Variants in PCDHGA3 observed in about 807,000 individuals in gnomAD.
The protein encoded by PCDHGA3 is protocadherin gamma subfamily A, 3.
A neutral mutation model predicts 58.5 loss-of-function variants in PCDHGA3; 40 were observed. The observed-to-expected ratio is 0.68, with a 90% CI of 0.53 to 0.89. PCDHGA3 has a LOEUF of 0.89. Among genes scored for constraint, PCDHGA3 ranks in the 40% least tolerant of loss-of-function variants. The pLI, the probability that PCDHGA3 is intolerant of heterozygous loss-of-function variation, is 0.00. For synonymous variants in PCDHGA3, 530 were observed against 525.7 expected (o/e 1.01, Z -0.11); for missense variants, 1,223 against 1,195.9 (o/e 1.02, Z -0.33).
At chr5:141,372,341 A>G (rs1382612317) in intron 1 of PCDHGA3, 1 of 1,613,800 alleles carries the variant, frequency 6.2e-7, no homozygotes, top group Non-Finnish European at 8.5e-7. Context: ...TGCGTGATGG[A>G]GGACAGCAGC....
rs200790843 is a variant in PCDHGA3 at position 141,432,196 on chromosome 5, C to A, written c.2425-62611C>A. ...TCGTCTCTGTGACCGCCCACGACCCCGACTGTGAAGAGAACGCCCAGATCA... is the reference window on the plus strand; with the variant it reads ...TCGTCTCTGTGACCGCCCACGACCCAGACTGTGAAGAGAACGCCCAGATCA... On this transcript the variant is annotated intron_variant, in intron 1 of 3. Coordinates refer to ENST00000253812, the MANE Select transcript of PCDHGA3 (RefSeq NM_018916.4). This position sits in a 1 kb window ranked among gnomAD's most constrained non-coding sequence, Gnocchi z 6.0. The A allele has an allele frequency of 6.2e-7, 1 of 1,614,192 alleles. No homozygotes were observed.
chr5:141,421,424 G>T lies in PCDHGA3; in HGVS notation c.2425-73383G>T, dbSNP rs369037131. 2.2e-5 allele frequency: 35 copies of T among 1,613,974 alleles called. No individual in the cohort carries two copies. The African/African-American group carries it at 3.9e-4, about 18-fold the overall frequency. ...CGGGAGCTGGCGAAGCGCGGAGTCC[G>T]CATCGTCTCCAGAGGGAAGACACAG... is the stretch of plus-strand genomic sequence containing the variant. On this transcript the variant is annotated intron_variant, in intron 1 of 3. Transcript: ENST00000253812.
At chr5:141,467,360 C>T (rs965838962) in intron 1 of PCDHGA3, among the ~76,000 whole-genome samples, 3 of 152,010 alleles carry the variant, frequency 2.0e-5, no homozygotes, top group Non-Finnish European at 4.4e-5. Context: ...GCCAAATCAA[C>T]GTTTTCTTAT....
Position 141,433,407 on chromosome 5 carries a change from T to C in PCDHGA3, c.2425-61400T>C, listed in dbSNP as rs939103465. Among the ~76,000 whole-genome samples, 537 of 125,956 alleles carry C rather than the reference T, an allele frequency of 4.3e-3. 4 individuals carry two copies. Among genetic ancestry groups the C allele is most frequent in the African/African-American group, 0.016 (523 of 33,156 alleles). The allele number at this position is 125,956 out of a possible 152,430, so 82.6% of individuals were successfully genotyped here. On this transcript the variant is annotated intron_variant, in intron 1 of 3. Coordinates refer to ENST00000253812, the MANE Select transcript of PCDHGA3 (RefSeq NM_018916.4). ...TCTATCTATCTATCTATCTATCTATTACTTTCTTGTACAGACAGGAGTCTC... is the reference window on the plus strand; with the variant it reads ...TCTATCTATCTATCTATCTATCTATCACTTTCTTGTACAGACAGGAGTCTC...
intron 1 of PCDHGA3, chr5:141,409,571 TA>T: frequency 6.2e-7 from 1 of 1,613,932 alleles, no homozygotes; most frequent in Non-Finnish European, 8.5e-7. Flanking sequence ...CCAGACGTCC[TA>T]CGTGGTCCAC....
intron 1 of PCDHGA3, chr5:141,360,527 C>T (rs763036184): frequency 2.5e-6 from 4 of 1,613,910 alleles, no homozygotes; most frequent in Admixed American, 3.3e-5. Flanking sequence ...GATAATACCC[C>T]GCTATTCAAA....
At position 141,476,764 on chromosome 5, in the gene PCDHGA3, G is replaced by A. The variant is rs570982273; in HGVS notation, c.2425-18043G>A. 1.2e-6 allele frequency: 2 copies of A among 1,613,794 alleles called. No homozygotes were observed. Reference sequence around the variant, plus strand: ...CTAGTCTCCAGTTAGTGCTGACGGCGTTGGACGGAGGGACCCCAGCTCTCT... The same window carrying A: ...CTAGTCTCCAGTTAGTGCTGACGGCATTGGACGGAGGGACCCCAGCTCTCT... On this transcript the variant is annotated intron_variant, in intron 1 of 3. Coordinates refer to ENST00000253812, the MANE Select transcript of PCDHGA3 (RefSeq NM_018916.4). The surrounding 1 kb of genome is among the most constrained non-coding windows in gnomAD (Gnocchi z 7.6).
chr5:141,441,289 T>C (rs1350801949), intron 1 of PCDHGA3: 1 of 152,212 alleles, frequency 6.6e-6, no homozygotes, highest in Non-Finnish European at 1.5e-5. Flanking sequence ...CGAGGTCACA[T>C]GTCTGATATA....
rs57426385 is a variant in PCDHGA3, at chr5:141,415,740, G to GTTTTTTTTTTTTT, written c.2424+69303_2424+69315dup. ...TGAGTAGAATTTGATGTTTATTAAGGTTTTTTTTTTTTTTTTTTTTTTTTT... is the reference window on the plus strand; with the variant it reads ...TGAGTAGAATTTGATGTTTATTAAGGTTTTTTTTTTTTTTTTTTTTTTTTTTTTTTTTTTTTTT... On this transcript the variant is annotated intron_variant, in intron 1 of 3. Coordinates refer to ENST00000253812, the MANE Select transcript of PCDHGA3 (RefSeq NM_018916.4). The GTTTTTTTTTTTTT allele has an allele frequency of 2.5e-4, 159 of 625,022 alleles. 3 individuals carry two copies. Among genetic ancestry groups the GTTTTTTTTTTTTT allele is most frequent in the Admixed American group, 5.7e-4 (8 of 14,124 alleles). 38.7% of individuals were successfully genotyped at this position (625,022 alleles called of 1,614,324 possible).
At chr5:141,456,701 G>C (rs370086323) in intron 1 of PCDHGA3, among the ~76,000 whole-genome samples, 1 of 151,988 alleles carries the variant, frequency 6.6e-6, no homozygotes. Flanking sequence ...GTGGTGGCTC[G>C]CGCCTGTAAT....
At chr5:141,450,835 T>TATTA (rs1438371595) in intron 1 of PCDHGA3, among the ~76,000 whole-genome samples, 1 of 142,096 alleles carries the variant, frequency 7.0e-6, no homozygotes, top group Admixed American at 6.9e-5. Context: ...TATTATTTTT[T>TATTA]TTTTTTTGAG....
In PCDHGA3 at chr5:141,433,322, T is replaced by A. The variant is rs907709272; in HGVS notation, c.2425-61485T>A. On this transcript the variant is annotated intron_variant, in intron 1 of 3. Transcript: ENST00000253812. ...AATTATCCCACCTTTGCCTCCGGTGTAACAGGGACTACAGGTGCAAGCCAC... is the reference window on the plus strand; with the variant it reads ...AATTATCCCACCTTTGCCTCCGGTGAAACAGGGACTACAGGTGCAAGCCAC... The A allele has an allele frequency of 5.3e-6, 4 of 760,298 alleles. No homozygotes were observed. In the African/African-American group the frequency reaches 7.1e-5, roughly 13 times the overall value. The allele number at this position is 760,298 out of a possible 1,614,324, so 47.1% of individuals were successfully genotyped here.
At chr5:141,416,929 C>T (rs1184470714) in intron 1 of PCDHGA3, 1 of 151,960 alleles carries the variant, frequency 6.6e-6, no homozygotes. Flanking sequence ...TAGTTATTAA[C>T]TATTAAACCA....
chr5:141,428,536 A>G (rs981530261), intron 1 of PCDHGA3: 1 of 273,778 alleles, frequency 3.7e-6, no homozygotes, highest in Non-Finnish European at 7.2e-6. Flanking sequence ...TTTTCTCACC[A>G]TGACACCAGA....
In PCDHGA3 at chr5:141,418,490, G is replaced by A. The variant is rs1473964718; in HGVS notation, c.2424+72033G>A. On this transcript the variant is annotated intron_variant, in intron 1 of 3. Coordinates refer to ENST00000253812, the MANE Select transcript of PCDHGA3 (RefSeq NM_018916.4). Reference sequence around the variant, plus strand: ...AGAAACGCAGAGCGCTCACCACTTGGTACTGACCGCCTTAGATGGTGGGGA... The same window carrying A: ...AGAAACGCAGAGCGCTCACCACTTGATACTGACCGCCTTAGATGGTGGGGA... 5.6e-6 allele frequency: 9 copies of A among 1,613,996 alleles called. No homozygotes were observed. In the East Asian group the frequency reaches 1.6e-4, roughly 28 times the overall value.
chr5:141,350,311 C>G, intron 1 of PCDHGA3: 1 of 1,523,378 alleles, frequency 6.6e-7, no homozygotes, highest in African/African-American at 1.4e-5. Context: ...TACTGTTTCC[C>G]TTCCTGCTGT....
chr5:141,490,321 G>C lies in PCDHGA3; in HGVS notation c.2425-4486G>C. On this transcript the variant is annotated intron_variant, in intron 1 of 3. Coordinates refer to ENST00000253812, the MANE Select transcript of PCDHGA3 (RefSeq NM_018916.4). The surrounding 1 kb of genome is among the most constrained non-coding windows in gnomAD (Gnocchi z 5.4). ...GGCCTCTTTGGCCAACCCTGTCCTA[G>C]AGAGCACACCAGTGGGCACAGTAGT... 1.2e-6 allele frequency: 2 copies of C among 1,614,220 alleles called. No homozygotes were observed. The highest frequency in any genetic ancestry group is 1.7e-6 in the Non-Finnish European group (2 of 1,180,044).
At chr5:141,353,588 C>T (rs1759323905) in intron 1 of PCDHGA3, among the ~76,000 whole-genome samples, 1 of 152,168 alleles carries the variant, frequency 6.6e-6, no homozygotes, top group African/African-American at 2.4e-5. Context: ...AATGATATTT[C>T]ATAATTTTCT....
chr5:141,410,774 C>G, intron 1 of PCDHGA3: 4 of 955,126 alleles, frequency 4.2e-6, no homozygotes, highest in Non-Finnish European at 5.8e-6. Context: ...ATAGTTTTCA[C>G]TATGTATTTG....
Sources: allele counts gnomAD v4.1 joint callset (sites outside exome capture counted in the v4.1 genomes callset), GRCh38; gene constraint gnomAD v4.1.1; non-coding constraint Gnocchi (gnomAD v3.1); transcripts MANE v1.5; gene names NCBI Gene and HGNC (gene_info 2026-07-23, HGNC 2026-07-21).